PPP3CA: variants seen among roughly 807,000 people sequenced by gnomAD.
PPP3CA encodes the protein protein phosphatase 3 catalytic subunit alpha.
In PPP3CA, 14 loss-of-function variants were observed where a neutral mutation model predicts 66.5. That is an observed-to-expected ratio of 0.21 (90% CI 0.14 to 0.33). The LOEUF is 0.33. Among genes scored for constraint, PPP3CA ranks in the 10% least tolerant of loss-of-function variants. The pLI is 1.00. For missense variants in PPP3CA, 317 were observed against 639.5 expected, an observed-to-expected ratio of 0.50 and a Z score of 5.44; for synonymous variants, 232 against 226.2, an observed-to-expected ratio of 1.03 and a Z score of -0.23.
chr4:101,277,404 A>G (rs993502631), intron 1 of PPP3CA, among the ~76,000 whole-genome samples: 2 of 152,196 alleles, frequency 1.3e-5, no homozygotes, highest in Non-Finnish European at 2.9e-5. Context: ...TCATTTAGGT[A>G]AATATCAAAA....
At position 101,106,453 on chromosome 4, in the gene PPP3CA, G is replaced by GGA. The variant is rs1730724872; in HGVS notation, c.384+2500_384+2501insTC. On this transcript the variant is annotated intron_variant, in intron 3 of 13. Transcript: ENST00000394854. ...AGAAAGAAAGAAAGAAAGAAAGAAAGAGAAAAGAAAAGAAAAGAAAAGAAA... is the reference window on the plus strand; with the variant it reads ...AGAAAGAAAGAAAGAAAGAAAGAAAGGAAGAAAAGAAAAGAAAAGAAAAGAAA... Among the ~76,000 whole-genome samples the GGA allele has an allele frequency of 1.7e-4, 6 of 35,512 alleles. 2 individuals carry two copies. Among genetic ancestry groups the GGA allele is most frequent in the Admixed American group, 2.9e-4 (1 of 3,436 alleles). The allele number at this position is 35,512 out of a possible 152,430, so 23.3% of individuals were successfully genotyped here.
chr4:101,179,703 G>A (rs1217501555), intron 2 of PPP3CA, among the ~76,000 whole-genome samples: 1 of 152,066 alleles, frequency 6.6e-6, no homozygotes, highest in Non-Finnish European at 1.5e-5. Flanking sequence ...TTATTTCAGG[G>A]TAAATACTTA....
chr4:101,211,704 T>A (rs1477551536), intron 1 of PPP3CA, among the ~76,000 whole-genome samples: 1 of 152,166 alleles, frequency 6.6e-6, no homozygotes, highest in African/African-American at 2.4e-5. Flanking sequence ...AATACTTCCA[T>A]CAAAGCTAGC....
chr4:101,181,820 G>T (rs140538782), intron 2 of PPP3CA, among the ~76,000 whole-genome samples: 4 of 152,000 alleles, frequency 2.6e-5, no homozygotes, highest in Non-Finnish European at 4.4e-5. Context: ...TTACATATAG[G>T]GTGAGACAGG....
chr4:101,310,048 C>T (rs553556555), intron 1 of PPP3CA, among the ~76,000 whole-genome samples: 10 of 152,242 alleles, frequency 6.6e-5, no homozygotes, highest in Admixed American at 4.6e-4. Context: ...AATCTACTTT[C>T]GTTTAACTAA....
intron 7 of PPP3CA, among the ~76,000 whole-genome samples, chr4:101,081,399 C>A (rs1486658631): frequency 6.6e-6 from 1 of 152,070 alleles, no homozygotes; most frequent in Admixed American, 6.5e-5. Context: ...ACAGAACATG[C>A]ACAAGAACTT....
At chr4:101,120,744 C>T (rs2110272918) in intron 2 of PPP3CA, among the ~76,000 whole-genome samples, 1 of 152,058 alleles carries the variant, frequency 6.6e-6, no homozygotes, top group Non-Finnish European at 1.5e-5. Flanking sequence ...CAATTGAAGA[C>T]ACTATATAAA....
Position 101,342,041 on chromosome 4 carries a change from C to T in PPP3CA, c.58+4698G>A, listed in dbSNP as rs78551143. Reference sequence around the variant, plus strand: ...AAAAGATAAGGAAAAGCATGAGAGGCCAATTACAAAAGTTATAAATGAATG... The same window carrying T: ...AAAAGATAAGGAAAAGCATGAGAGGTCAATTACAAAAGTTATAAATGAATG... On this transcript the variant is annotated intron_variant, in intron 1 of 13. Coordinates refer to ENST00000394854, the MANE Select transcript of PPP3CA (RefSeq NM_000944.5). Among the ~76,000 whole-genome samples, 32 of 152,028 alleles carry T rather than the reference C, an allele frequency of 2.1e-4. 1 individual carries two copies. The East Asian group carries it at 6.0e-3, about 28-fold the overall frequency.
At chr4:101,274,571 T>C (rs760195819) in intron 1 of PPP3CA, among the ~76,000 whole-genome samples, 8 of 152,246 alleles carry the variant, frequency 5.3e-5, no homozygotes, top group Non-Finnish European at 1.2e-4. Flanking sequence ...AAATTTCTTA[T>C]TCAACATGAG....
chr4:101,282,730 G>A (rs1433184706), intron 1 of PPP3CA, among the ~76,000 whole-genome samples: 1 of 152,150 alleles, frequency 6.6e-6, no homozygotes, highest in Non-Finnish European at 1.5e-5. Flanking sequence ...TGAGCCTGCT[G>A]AGATGCAGGA....
At chr4:101,070,437 C>A (rs1170803311) in intron 8 of PPP3CA, among the ~76,000 whole-genome samples, 2 of 152,052 alleles carry the variant, frequency 1.3e-5, no homozygotes, top group African/African-American at 2.4e-5. Flanking sequence ...ATTGTAAGAG[C>A]ATGTAAATTA....
chr4:101,190,002 G>A (rs1724546779), intron 2 of PPP3CA, among the ~76,000 whole-genome samples: 1 of 152,016 alleles, frequency 6.6e-6, no homozygotes, highest in Non-Finnish European at 1.5e-5. Flanking sequence ...TCAGTGAGAA[G>A]ATGGAATATG....
rs78325410 is a variant in PPP3CA, at chr4:101,174,938, T to A, written c.259+20978A>T. 1.4e-4 allele frequency among the ~76,000 whole-genome samples: 21 copies of A among 152,278 alleles called. No homozygotes were observed. In the East Asian group the frequency reaches 4.1e-3, roughly 29 times the overall value. On this transcript the variant is annotated intron_variant, in intron 2 of 13. Coordinates refer to ENST00000394854, the MANE Select transcript of PPP3CA (RefSeq NM_000944.5). The stretch of plus-strand genomic sequence containing the variant: ...AGAGCTGGGAGGTGACAGAGCTGGG[T>A]TGAATCCAGGCACTATGGCTATAAA...
intron 6 of PPP3CA, among the ~76,000 whole-genome samples, chr4:101,093,352 G>A (rs963381354): frequency 4.6e-5 from 7 of 151,546 alleles, no homozygotes; most frequent in African/African-American, 1.7e-4. Flanking sequence ...AGGCTCAGAT[G>A]ATCATGAGCA....
intron 1 of PPP3CA, among the ~76,000 whole-genome samples, chr4:101,343,292 T>A (rs552783775): frequency 1.6e-4 from 24 of 152,296 alleles, no homozygotes; most frequent in African/African-American, 5.8e-4. Flanking sequence ...TTCCTCTAAG[T>A]ATTTTTAACT....
chr4:101,330,782 A>G (rs1347127304), intron 1 of PPP3CA, among the ~76,000 whole-genome samples: 1 of 152,170 alleles, frequency 6.6e-6, no homozygotes, highest in Non-Finnish European at 1.5e-5. Context: ...CTAGCACTAC[A>G]CTTTTTTTTC....
In PPP3CA at chr4:101,124,651, G is replaced by A. The variant is rs922019674; in HGVS notation, c.260-15573C>T. 4.3e-5 allele frequency among the ~76,000 whole-genome samples: 6 copies of A among 140,156 alleles called. No individual in the cohort carries two copies. In the East Asian group the frequency reaches 8.3e-4, roughly 19 times the overall value. The allele number at this position is 140,156 out of a possible 152,430, so 91.9% of individuals were successfully genotyped here. A position where few individuals can be genotyped will look rare whatever the true frequency, so the allele number is the denominator to read the frequency against. On this transcript the variant is annotated intron_variant, in intron 2 of 13. Coordinates refer to ENST00000394854, the MANE Select transcript of PPP3CA (RefSeq NM_000944.5). Reference sequence around the variant, plus strand: ...AAAGAAAGAAAAAGAAAGAAAGAGAGGGAGAGAGAGACAGAAAGAAAGAAA... The same window carrying A: ...AAAGAAAGAAAAAGAAAGAAAGAGAAGGAGAGAGAGACAGAAAGAAAGAAA...
chr4:101,197,046 ATGATGGTT>A (rs1297323102), intron 1 of PPP3CA, among the ~76,000 whole-genome samples: 1 of 152,238 alleles, frequency 6.6e-6, no homozygotes, highest in Non-Finnish European at 1.5e-5. Context: ...TCTGTTTCAC[ATGATGGTT>A]CATTCACTGG....
At chr4:101,255,612 C>A (rs916405201) in intron 1 of PPP3CA, among the ~76,000 whole-genome samples, 1 of 151,820 alleles carries the variant, frequency 6.6e-6, no homozygotes, top group Non-Finnish European at 1.5e-5. Flanking sequence ...ATTCTAACAT[C>A]TTATTGTCAA....
Sources: gnomAD v4.1 joint callset for allele counts (sites outside exome capture counted in the v4.1 genomes callset) on GRCh38, gnomAD v4.1.1 for gene constraint, MANE v1.5 for transcripts, NCBI Gene and HGNC (gene_info 2026-07-23, HGNC 2026-07-21) for gene names.